Variants in TANC2 observed in about 807,000 individuals in gnomAD.
The protein encoded by TANC2 is tetratricopeptide repeat, ankyrin repeat and coiled-coil containing 2.
Under a neutral mutation model 210.5 loss-of-function variants are expected in TANC2, and 26 were observed. The ratio of observed to expected loss-of-function variants is 0.12; its 90% confidence interval spans 0.09 to 0.17. TANC2 has a LOEUF of 0.17. TANC2 is among the 10% of genes least tolerant of loss of function. The probability of loss-of-function intolerance (pLI) is 1.00; values close to 1 mark genes in which losing one functional copy is unlikely to be tolerated. For missense variants in TANC2, 2,129 were observed against 2,608.9 expected, an observed-to-expected ratio of 0.82 and a Z score of 4.01; for synonymous variants, 931 against 967.1, an observed-to-expected ratio of 0.96 and a Z score of 0.69.
intron 1 of TANC2, among the ~76,000 whole-genome samples, chr17:62,994,896 T>C (rs968019879): frequency 6.6e-6 from 1 of 152,212 alleles, no homozygotes; most frequent in African/African-American, 2.4e-5. Flanking sequence ...CTTTGACATT[T>C]TGGGTAGAAA....
chr17:63,195,893 C>CT (rs2041330698), intron 6 of TANC2, among the ~76,000 whole-genome samples: 1 of 152,184 alleles, frequency 6.6e-6, no homozygotes, highest in Admixed American at 6.5e-5. Context: ...TCCTACCCCT[C>CT]TCCCTTTCAC....
intron 5 of TANC2, among the ~76,000 whole-genome samples, chr17:63,188,697 C>T (rs1343329024): frequency 6.6e-6 from 1 of 151,990 alleles, no homozygotes; most frequent in Non-Finnish European, 1.5e-5. Context: ...TAAAATGTTA[C>T]CTTTGGGAAA....
intron 2 of TANC2, among the ~76,000 whole-genome samples, chr17:63,068,626 G>GAC (rs140326069): frequency 0.03 from 4,496 of 152,154 alleles, 82 homozygotes; most frequent in South Asian, 0.038. Flanking sequence ...AAATGAATTC[G>GAC]ACAGATAAAT....
chr17:63,285,743 A>T (rs1292601901), intron 9 of TANC2, among the ~76,000 whole-genome samples: 1 of 152,196 alleles, frequency 6.6e-6, no homozygotes, highest in Non-Finnish European at 1.5e-5. Flanking sequence ...GTATACCGGG[A>T]AAACGCATTA....
intron 7 of TANC2, among the ~76,000 whole-genome samples, chr17:63,206,317 A>C (rs2041709353): frequency 6.6e-6 from 1 of 152,198 alleles, no homozygotes; most frequent in South Asian, 2.1e-4. Flanking sequence ...TTCAACATAG[A>C]ATTGCCATAT....
intron 3 of TANC2, among the ~76,000 whole-genome samples, chr17:63,090,876 C>T (rs979030829): frequency 5.9e-5 from 9 of 152,152 alleles, no homozygotes; most frequent in African/African-American, 2.2e-4. Flanking sequence ...CCTGTTGTTT[C>T]CTGACTTTTT....
rs376982885 is a variant in TANC2, at chr17:63,415,646, A to G, written c.4139A>G (p.Asn1380Ser). ...GAACTAAAGGTGTCTCTCCTCCTCAACCTCTCTCGGTGTCGCAGGAAAATG... is the reference window on the plus strand; with the variant it reads ...GAACTAAAGGTGTCTCTCCTCCTCAGCCTCTCTCGGTGTCGCAGGAAAATG... The change falls in exon 26 of 28, where the codon AAC becomes AGC. Residue 1380 changes from asparagine to serine, a missense_variant. Transcript: ENST00000689528. 4.4e-6 allele frequency: 7 copies of G among 1,608,132 alleles called. No homozygotes were observed. Among genetic ancestry groups the G allele is most frequent in the Admixed American group, 1.7e-5 (1 of 59,350 alleles).
chr17:63,330,612 G>A (rs529352519), intron 11 of TANC2, among the ~76,000 whole-genome samples: 7 of 152,032 alleles, frequency 4.6e-5, no homozygotes, highest in African/African-American at 1.4e-4. Context: ...AAAAGTGTCC[G>A]TTCTTTTATA....
At chr17:63,352,399 A>G (rs944548024) in intron 13 of TANC2, among the ~76,000 whole-genome samples, 1 of 152,118 alleles carries the variant, frequency 6.6e-6, no homozygotes, top group Non-Finnish European at 1.5e-5. Context: ...ACCACCTTAC[A>G]GATGTTTATT....
At chr17:63,043,867 G>C (rs2035282368) in intron 2 of TANC2, among the ~76,000 whole-genome samples, 1 of 152,048 alleles carries the variant, frequency 6.6e-6, no homozygotes, top group Admixed American at 6.5e-5. Context: ...ACAGGAAGCA[G>C]TTGGAAAAAT....
intron 21 of TANC2, 98 bp downstream of exon 21, chr17:63,406,375 A>G (rs1021270500): frequency 1.1e-5 from 17 of 1,528,154 alleles, no homozygotes; most frequent in African/African-American, 6.9e-5. Context: ...CTAAGAACAG[A>G]TATTAATCCA....
intron 9 of TANC2, 129 bp downstream of exon 9, chr17:63,268,002 G>A (rs555850569): frequency 1.4e-4 from 149 of 1,041,206 alleles, no homozygotes; most frequent in Non-Finnish European, 1.9e-4. Flanking sequence ...ATCCATTTTA[G>A]CATGTGACCA....
chr17:63,270,839 C>T (rs1390669967), intron 9 of TANC2, among the ~76,000 whole-genome samples: 1 of 152,066 alleles, frequency 6.6e-6, no homozygotes, highest in African/African-American at 2.4e-5. Flanking sequence ...ACCAGTAGGC[C>T]CCAGTGTTTG....
At chr17:63,414,677 G>A (rs780355002) in intron 25 of TANC2, among the ~76,000 whole-genome samples, 1 of 152,170 alleles carries the variant, frequency 6.6e-6, no homozygotes, top group African/African-American at 2.4e-5. Context: ...TCTCTCCTTA[G>A]TGAATGGTGC....
intron 4 of TANC2, among the ~76,000 whole-genome samples, chr17:63,122,714 AGAGT>A (rs1264443985): frequency 6.6e-6 from 1 of 152,248 alleles, no homozygotes; most frequent in Non-Finnish European, 1.5e-5. Context: ...CCTGGGCGAC[AGAGT>A]GAGACTGTAT....
At chr17:63,189,755 T>C (rs963637096) in intron 5 of TANC2, among the ~76,000 whole-genome samples, 2 of 152,226 alleles carry the variant, frequency 1.3e-5, no homozygotes, top group African/African-American at 4.8e-5. Flanking sequence ...CTTCTTAATA[T>C]TGATGAAGTC....
At chr17:62,976,931 A>G (rs1223896866) in intron 1 of TANC2, among the ~76,000 whole-genome samples, 1 of 152,208 alleles carries the variant, frequency 6.6e-6, no homozygotes, top group African/African-American at 2.4e-5. Flanking sequence ...GTCGCTAGCC[A>G]ATCGTGACAA....
intron 2 of TANC2, among the ~76,000 whole-genome samples, chr17:63,066,413 C>T (rs887527259): frequency 2.0e-5 from 3 of 151,964 alleles, no homozygotes; most frequent in African/African-American, 4.8e-5. Context: ...CTGAAGCTGT[C>T]GGGGCTCACC....
chr17:63,336,806 A>C (rs543733748), intron 11 of TANC2, among the ~76,000 whole-genome samples: 33 of 152,356 alleles, frequency 2.2e-4, no homozygotes, highest in African/African-American at 7.7e-4. Flanking sequence ...TTACTTTGAA[A>C]GACAAGAATT....
Sources: gnomAD v4.1 joint callset for allele counts (sites outside exome capture counted in the v4.1 genomes callset) on GRCh38, gnomAD v4.1.1 for gene constraint, MANE v1.5 for transcripts, NCBI Gene and HGNC (gene_info 2026-07-23, HGNC 2026-07-21) for gene names.